Variants in RNF19A observed in about 807,000 individuals in gnomAD.
RNF19A encodes E3 ubiquitin-protein ligase RNF19A.
A neutral mutation model predicts 75.7 loss-of-function variants in RNF19A; 32 were observed. The ratio of observed to expected loss-of-function variants is 0.42; its 90% CI spans 0.32 to 0.57. RNF19A has a LOEUF of 0.57. RNF19A is among the 20% of genes least tolerant of loss of function. RNF19A has a pLI of 0.10. For synonymous variants in RNF19A, 335 were observed against 345.2 expected, an observed-to-expected ratio of 0.97 and a Z score of 0.33; for missense variants, 782 against 1,036.3, an observed-to-expected ratio of 0.75 and a Z score of 3.37.
intron 1 of RNF19A, among the ~76,000 whole-genome samples, chr8:100,307,597 C>G (rs2130233997): frequency 6.6e-6 from 1 of 150,648 alleles, no homozygotes; most frequent in African/African-American, 2.4e-5. Flanking sequence ...CCATAATATA[C>G]AAGTGATTAT....
intron 1 of RNF19A, among the ~76,000 whole-genome samples, chr8:100,305,203 G>A (rs1413362021): frequency 1.3e-5 from 2 of 152,164 alleles, no homozygotes; most frequent in Non-Finnish European, 2.9e-5. Context: ...ATACTGCTGG[G>A]ATTACAGGAT....
chr8:100,291,621 C>T (rs1408016209), intron 1 of RNF19A, among the ~76,000 whole-genome samples: 1 of 152,162 alleles, frequency 6.6e-6, no homozygotes, highest in African/African-American at 2.4e-5. Context: ...GAAAGGTATT[C>T]TGGAAATGAA....
chr8:100,305,394 T>C (rs1356227930), intron 1 of RNF19A, among the ~76,000 whole-genome samples: 1 of 152,198 alleles, frequency 6.6e-6, no homozygotes, highest in Non-Finnish European at 1.5e-5. Context: ...AAAAGACAAG[T>C]TCTGCAGAAA....
rs1820446149 is a variant in RNF19A, at chr8:100,275,191, T to C, written c.675-30A>G. 6.3e-7 allele frequency: 1 copy of C among 1,591,716 alleles called. No individual in the cohort carries two copies. Among genetic ancestry groups the C allele is most frequent in the Non-Finnish European group, 8.6e-7 (1 of 1,160,532 alleles). The stretch of plus-strand genomic sequence containing the variant: ...AAAGAACAAGAAAAATGATTTAAAA[T>C]GTGACATAAAACAAGAGATACTCAT... On this transcript the variant is annotated intron_variant, in intron 2 of 9. Coordinates refer to ENST00000341084, the MANE Select transcript of RNF19A (RefSeq NM_183419.4). This position sits in a 1 kb window ranked among gnomAD's most constrained non-coding sequence, Gnocchi z 4.3.
At chr8:100,268,496 C>T in intron 5 of RNF19A, 1 of 222,650 alleles carries the variant, frequency 4.5e-6, no homozygotes, top group Non-Finnish European at 8.7e-6. Context: ...TGAGAAAAAT[C>T]TCAGGTGTGT....
rs963210657 is a variant in RNF19A, at chr8:100,332,123, C to G, written c.-243+3985G>C. Among the ~76,000 whole-genome samples, 4 of 152,064 alleles carry G rather than the reference C, an allele frequency of 2.6e-5. No homozygotes were observed. Among genetic ancestry groups the G allele is most frequent in the African/African-American group, 7.2e-5 (3 of 41,394 alleles). On this transcript the variant is annotated intron_variant, in intron 1 of 3. Transcript: ENST00000519527. This position sits in a 1 kb window ranked among gnomAD's most constrained non-coding sequence, Gnocchi z 4.8. ...TGTGAATTACCTGTAGGATAAATTC[C>G]TAAAAGTGGAATTGCTGGTTTAAAG... is the stretch of plus-strand genomic sequence containing the variant.
Position 100,294,054 on chromosome 8 carries a change from G to A in RNF19A, c.-93-5787C>T, listed in dbSNP as rs1821431388. Among the ~76,000 whole-genome samples the A allele has an allele frequency of 2.6e-5, 4 of 152,128 alleles. No individual in the cohort carries two copies. The South Asian group carries it at 8.3e-4, about 32-fold the overall frequency. On this transcript the variant is annotated intron_variant, in intron 1 of 9. Coordinates refer to ENST00000341084, the MANE Select transcript of RNF19A (RefSeq NM_183419.4). Reference sequence around the variant, plus strand: ...ACTGCAGTTGCTATAAAGTCTGTCTGCTAATTCTGCTAATTGCAGAGTCTG... The same window carrying A: ...ACTGCAGTTGCTATAAAGTCTGTCTACTAATTCTGCTAATTGCAGAGTCTG...
chr8:100,324,497 A>G lies in RNF19A; in HGVS notation c.-242-11125T>C, dbSNP rs141958430. 6.6e-6 allele frequency among the ~76,000 whole-genome samples: 1 copy of G among 152,350 alleles called. No individual in the cohort carries two copies. The highest frequency in any genetic ancestry group is 1.9e-4 in the East Asian group (1 of 5,190). On this transcript the variant is annotated intron_variant, in intron 1 of 3. Coordinates refer to the RNF19A transcript ENST00000519527. This position sits in a 1 kb window ranked among gnomAD's most constrained non-coding sequence, Gnocchi z 4.2. ...GGATTCCCTTGAAATACTACATTTT[A>G]AAGGCTAAGGAAATCTGGAGGAGAG...
intron 2 of RNF19A, among the ~76,000 whole-genome samples, chr8:100,281,945 T>C (rs564716992): frequency 6.6e-6 from 1 of 152,296 alleles, no homozygotes; most frequent in South Asian, 2.1e-4. Flanking sequence ...AAAGGGAGGT[T>C]CATCTCCTGG....
chr8:100,277,100 G>C (rs1180492882), intron 2 of RNF19A, among the ~76,000 whole-genome samples: 1 of 152,186 alleles, frequency 6.6e-6, no homozygotes, highest in African/African-American at 2.4e-5. Context: ...TTTGAAAGCA[G>C]CAACAATCAA....
In RNF19A at chr8:100,332,942, AT is replaced by A. The variant is rs1481667185; in HGVS notation, c.-243+3165del. ...TTTCTATATTGCTGTTTAATCTTTC[AT>A]TTTGTCTATGGGTTCTCTTTTTGCT... On this transcript the variant is annotated intron_variant, in intron 1 of 3. Transcript: ENST00000519527. This position sits in a 1 kb window ranked among gnomAD's most constrained non-coding sequence, Gnocchi z 4.8. Among the ~76,000 whole-genome samples the A allele has an allele frequency of 6.6e-6, 1 of 151,802 alleles. No homozygotes were observed. The highest frequency in any genetic ancestry group is 1.5e-5 in the Non-Finnish European group (1 of 67,936).
chr8:100,273,262 C>T (rs1354471558), intron 3 of RNF19A, among the ~76,000 whole-genome samples: 2 of 152,152 alleles, frequency 1.3e-5, no homozygotes, highest in African/African-American at 4.8e-5. Context: ...TATTGTTCGG[C>T]TAAAAGCATT....
At chr8:100,319,373 T>C (rs1586698646) in intron 1 of RNF19A, among the ~76,000 whole-genome samples, 1 of 152,132 alleles carries the variant, frequency 6.6e-6, no homozygotes, top group South Asian at 2.1e-4. Context: ...CCTGTAAGAA[T>C]AAATGTTAAC....
intron 7 of RNF19A, among the ~76,000 whole-genome samples, chr8:100,263,186 G>A (rs370797983): frequency 1.3e-5 from 2 of 152,084 alleles, no homozygotes; most frequent in South Asian, 4.1e-4. Flanking sequence ...CTGAGCTCTG[G>A]GGAACAAACA....
upstream of RNF19A, among the ~76,000 whole-genome samples, chr8:100,311,545 C>A (rs758064708): frequency 6.6e-6 from 1 of 151,788 alleles, no homozygotes; most frequent in Admixed American, 6.6e-5. Flanking sequence ...AGTGAAACCC[C>A]GTCTCTACTA....
chr8:100,258,442 T>C lies in RNF19A; in HGVS notation c.*114A>G, dbSNP rs1169292878. The C allele has an allele frequency of 3.8e-6, 3 of 797,256 alleles. No homozygotes were observed. Among genetic ancestry groups the C allele is most frequent in the Non-Finnish European group, 6.1e-6 (3 of 494,076 alleles). 49.4% of individuals were successfully genotyped at this position (797,256 alleles called of 1,614,324 possible). ...CTGAACACAGAAAATGTATCTGCAT[T>C]ATGATAATGAAACCCGGCTTTTGCT... On this transcript the variant is annotated 3_prime_UTR_variant, in exon 10 of 10. Transcript: ENST00000341084. This position sits in a 1 kb window ranked among gnomAD's most constrained non-coding sequence, Gnocchi z 4.3.
intron 3 of RNF19A, among the ~76,000 whole-genome samples, chr8:100,270,318 G>GT: frequency 6.6e-6 from 1 of 152,190 alleles, no homozygotes; most frequent in Non-Finnish European, 1.5e-5. Flanking sequence ...TGTGAACTAC[G>GT]TAAAGTTTGT....
rs746181960 is a variant in RNF19A at position 100,288,058 on chromosome 8, A to G, written c.117T>C (p.Gly39=). The change falls in exon 2 of 10, where the codon GGT becomes GGC. Residue 39 remains glycine, a synonymous_variant. Coordinates refer to ENST00000341084, the MANE Select transcript of RNF19A (RefSeq NM_183419.4). ...CAGAGGACTGAAGATCTCGATCTGA[A>G]CCCATTTGCCGATGTAAACTCATGT... The part of the protein sequence containing the change: ...ILDMSLHRQM[G]SDRDLQSSAS... 7 of 1,613,994 alleles carry G rather than the reference A, an allele frequency of 4.3e-6. No individual in the cohort carries two copies. In the African/African-American group the frequency reaches 8.0e-5, roughly 18 times the overall value.
rs2130400975 is a variant in RNF19A, at chr8:100,329,830, A to G, written c.-243+6278T>C. Among the ~76,000 whole-genome samples, 1 of 152,350 alleles carries G rather than the reference A, an allele frequency of 6.6e-6. No homozygotes were observed. Among genetic ancestry groups the G allele is most frequent in the South Asian group, 2.1e-4 (1 of 4,830 alleles). On this transcript the variant is annotated intron_variant, in intron 1 of 3. Transcript: ENST00000519527. The surrounding 1 kb of genome is among the most constrained non-coding windows in gnomAD (Gnocchi z 4.3). ...CTGAGTACTAGATTTCAGCTCAATG[A>G]AAAGCAGACATTTTAAAGAATCAGA...
Sources: gnomAD v4.1 joint callset for allele counts (sites outside exome capture counted in the v4.1 genomes callset) on GRCh38, gnomAD v4.1.1 for gene constraint, Gnocchi (gnomAD v3.1) non-coding constraint, MANE v1.5 for transcripts, NCBI Gene and HGNC (gene_info 2026-07-23, HGNC 2026-07-21) for gene names.